The following SOCS5 variants were observed in gnomAD, a reference collection of about 807,000 sequenced individuals.
SOCS5 encodes CIS-6.
Under a neutral mutation model 42.8 loss-of-function variants are expected in SOCS5, and 32 were observed. The ratio of observed to expected loss-of-function variants is 0.75; its 90% CI spans 0.56 to 1.01. SOCS5 has a LOEUF of 1.01. Ranked by LOEUF, SOCS5 falls within the 50% of genes least tolerant of loss-of-function variation. The pLI is 0.00. For missense variants in SOCS5, 627 were observed against 653.0 expected (o/e 0.96, Z 0.43); for synonymous variants, 283 against 229.6 (o/e 1.23, Z -2.10).
chr2:46,757,591 G>A (rs1418394794), intron 1 of SOCS5, among the ~76,000 whole-genome samples: 1 of 150,970 alleles, frequency 6.6e-6, no homozygotes, highest in East Asian at 1.9e-4. Context: ...TCCTGGCCGG[G>A]CATGGTGGCT....
At chr2:46,702,608 G>GGAACCATGGGAAAATCATT in intron 1 of SOCS5, among the ~76,000 whole-genome samples, 1 of 152,130 alleles carries the variant, frequency 6.6e-6, no homozygotes, top group Non-Finnish European at 1.5e-5. Context: ...CTCTGCCAGT[G>GGAACCATGGGAAAATCATT]GAACCATGGG....
rs1673874239 is a variant in SOCS5 at position 46,761,721 on chromosome 2, A to G, written c.*1580A>G. The G allele has an allele frequency of 6.0e-6, 1 of 166,668 alleles. No homozygotes were observed. Among genetic ancestry groups the G allele is most frequent in the Admixed American group, 6.5e-5 (1 of 15,288 alleles). 10.3% of individuals were successfully genotyped at this position (166,668 alleles called of 1,614,324 possible). A position where few individuals can be genotyped will look rare whatever the true frequency, so the allele number is the denominator to read the frequency against. ...CCTTTCTATAGTTAATGCAGAGTTAATGAACAGTCTAATATTGACTTATCA... is the reference window on the plus strand; with the variant it reads ...CCTTTCTATAGTTAATGCAGAGTTAGTGAACAGTCTAATATTGACTTATCA... On this transcript the variant is annotated 3_prime_UTR_variant, in exon 2 of 2. Transcript: ENST00000394861.
intron 1 of SOCS5, among the ~76,000 whole-genome samples, chr2:46,727,109 T>A (rs1378524071): frequency 6.6e-6 from 1 of 151,124 alleles, no homozygotes; most frequent in Non-Finnish European, 1.5e-5. Context: ...TTGAGACCAA[T>A]TTGTTTCAAG....
chr2:46,701,092 A>G (rs1672333092), intron 1 of SOCS5, among the ~76,000 whole-genome samples: 1 of 152,216 alleles, frequency 6.6e-6, no homozygotes, highest in African/African-American at 2.4e-5. Context: ...GAATTTTACT[A>G]TTCGTCCTCA....
chr2:46,734,509 G>A (rs1015078713), intron 1 of SOCS5, among the ~76,000 whole-genome samples: 16 of 152,134 alleles, frequency 1.1e-4, no homozygotes, highest in African/African-American at 3.9e-4. Flanking sequence ...ACTTTAATAG[G>A]CAGATATTTG....
At chr2:46,739,156 G>T (rs1014301004) in intron 1 of SOCS5, among the ~76,000 whole-genome samples, 1 of 152,100 alleles carries the variant, frequency 6.6e-6, no homozygotes, top group Non-Finnish European at 1.5e-5. Flanking sequence ...CTCTCAGAAT[G>T]GCTCTTTTTG....
intron 1 of SOCS5, among the ~76,000 whole-genome samples, chr2:46,745,377 T>C (rs1330526479): frequency 6.6e-6 from 1 of 152,190 alleles, no homozygotes; most frequent in Non-Finnish European, 1.5e-5. Context: ...TGATTACATA[T>C]TTTTGTAGCT....
At chr2:46,714,940 C>T (rs1268961469) in intron 1 of SOCS5, among the ~76,000 whole-genome samples, 1 of 151,970 alleles carries the variant, frequency 6.6e-6, no homozygotes, top group Non-Finnish European at 1.5e-5. Flanking sequence ...TCGTGATTTG[C>T]CTTCAACTAA....
intron 1 of SOCS5, among the ~76,000 whole-genome samples, chr2:46,701,731 C>T (rs1273930342): frequency 3.3e-5 from 5 of 149,618 alleles, no homozygotes; most frequent in Admixed American, 2.0e-4. Flanking sequence ...CTGATAGTTC[C>T]CTGTCATTGG....
chr2:46,715,984 C>T (rs72802430), intron 1 of SOCS5, among the ~76,000 whole-genome samples: 7,141 of 152,014 alleles, frequency 0.047, 247 homozygotes, highest in Non-Finnish European at 0.078. Flanking sequence ...CAATCTGTTT[C>T]TTTTTCCTTT....
intron 1 of SOCS5, among the ~76,000 whole-genome samples, chr2:46,744,092 C>T (rs887329952): frequency 2.0e-5 from 3 of 151,920 alleles, no homozygotes; most frequent in Non-Finnish European, 1.5e-5. Context: ...TGGGTTCAAG[C>T]GATTCTCCTC....
chr2:46,745,572 A>G (rs1664938545), intron 1 of SOCS5, among the ~76,000 whole-genome samples: 2 of 152,184 alleles, frequency 1.3e-5, no homozygotes. Flanking sequence ...ACCTTAAATA[A>G]CTGGATTCCA....
intron 1 of SOCS5, among the ~76,000 whole-genome samples, chr2:46,740,264 G>A (rs1283616315): frequency 6.6e-6 from 1 of 152,192 alleles, no homozygotes. Flanking sequence ...CCAGTGATTG[G>A]TCGGCCACTG....
chr2:46,707,776 A>G (rs1207514887), intron 1 of SOCS5, among the ~76,000 whole-genome samples: 1 of 152,200 alleles, frequency 6.6e-6, no homozygotes, highest in African/African-American at 2.4e-5. Context: ...ATGCTCCTCG[A>G]CTTACAATGG....
chr2:46,720,550 A>T (rs1572834362), intron 1 of SOCS5, among the ~76,000 whole-genome samples: 1 of 152,326 alleles, frequency 6.6e-6, no homozygotes, highest in East Asian at 1.9e-4. Flanking sequence ...TTTTTATAAA[A>T]CCAGAAGTAA....
intron 1 of SOCS5, among the ~76,000 whole-genome samples, chr2:46,719,614 G>A (rs1270264809): frequency 6.6e-6 from 1 of 152,136 alleles, no homozygotes; most frequent in Non-Finnish European, 1.5e-5. Flanking sequence ...TATGTTTGAC[G>A]TCTGTATCCC....
At chr2:46,747,395 A>G (rs1334865093) in intron 1 of SOCS5, among the ~76,000 whole-genome samples, 1 of 151,922 alleles carries the variant, frequency 6.6e-6, no homozygotes. Context: ...TAACTTTTGT[A>G]TATAGAGGCA....
At chr2:46,755,437 C>G (rs1259419439) in intron 1 of SOCS5, among the ~76,000 whole-genome samples, 1 of 152,034 alleles carries the variant, frequency 6.6e-6, no homozygotes, top group Admixed American at 6.6e-5. Context: ...AGAATTTGAC[C>G]TAATTTTCCA....
At chr2:46,706,785 G>A (rs1399000169) in intron 1 of SOCS5, among the ~76,000 whole-genome samples, 2 of 152,166 alleles carry the variant, frequency 1.3e-5, no homozygotes, top group Non-Finnish European at 2.9e-5. Flanking sequence ...AGCTTGAACT[G>A]TCTTGAGAGA....
Sources: allele counts gnomAD v4.1 joint callset (sites outside exome capture counted in the v4.1 genomes callset), GRCh38; gene constraint gnomAD v4.1.1; transcripts MANE v1.5; gene names NCBI Gene and HGNC (gene_info 2026-07-23, HGNC 2026-07-21).